MEIOC: variants seen among roughly 807,000 people sequenced by gnomAD.
MEIOC encodes the protein meiosis-specific coiled-coil domain-containing protein MEIOC.
In MEIOC, 9 loss-of-function variants were observed where a neutral mutation model predicts 85.3. The ratio of observed to expected loss-of-function variants is 0.11; its 90% CI spans 0.06 to 0.18. The LOEUF is 0.18. Among genes scored for constraint, MEIOC ranks in the 10% least tolerant of loss-of-function variants. MEIOC has a pLI of 1.00. For synonymous variants in MEIOC, 365 were observed against 393.7 expected (o/e 0.93, Z 0.86); for missense variants, 898 against 1,129.4 (o/e 0.80, Z 2.94).
rs78548905 is a variant in MEIOC, at chr17:44,671,626, G to A, written c.2458-1740G>A. On this transcript the variant is annotated intron_variant, in intron 6 of 7. Transcript: ENST00000409122. ...CAGAGGATTTTAAAATTACATTTTC[G>A]CCGGGCGTGGTGGTTCATGCCTGTA... Among the ~76,000 whole-genome samples, 241 of 151,452 alleles carry A rather than the reference G, an allele frequency of 1.6e-3. 1 individual carries two copies. Among genetic ancestry groups the A allele is most frequent in the African/African-American group, 5.7e-3 (234 of 41,130 alleles).
chr17:44,669,332 C>T lies in MEIOC; in HGVS notation c.2323-51C>T, dbSNP rs1167400871. 1.9e-5 allele frequency: 27 copies of T among 1,401,096 alleles called. No homozygotes were observed. The African/African-American group carries it at 3.0e-4, about 16-fold the overall frequency. The allele number at this position is 1,401,096 out of a possible 1,614,324, so 86.8% of individuals were successfully genotyped here. On this transcript the variant is annotated intron_variant, in intron 5 of 7. Coordinates refer to ENST00000409122, the MANE Select transcript of MEIOC (RefSeq NM_001145080.3). Reference sequence around the variant, plus strand: ...GCTTACGAAAACTATTATTCATGGTCGAATCATATTTAGAAAATTCTACAT... The same window carrying T: ...GCTTACGAAAACTATTATTCATGGTTGAATCATATTTAGAAAATTCTACAT...
Position 44,666,650 on chromosome 17 carries a change from T to G in MEIOC, c.739T>G (p.Cys247Gly). ...MYPSRSDHSN[C>G]HNIQTNDTAK... ...CCCCTCACGAAGTGATCATTCTAAC[T>G]GTCACAATATTCAGACAAATGATAC... The change falls in exon 5 of 8, where the codon TGT becomes GGT. Residue 247 changes from cysteine to glycine, a missense_variant. By Grantham distance (159) the Cys-to-Gly change is radical (BLOSUM62 -3). Around this residue, in one of 2 missense-constraint regions of MEIOC, gnomAD observed 734 missense variants for 860.1 expected, o/e 0.85. Transcript: ENST00000409122. 1 of 1,612,016 alleles carries G rather than the reference T, an allele frequency of 6.2e-7. No individual in the cohort carries two copies. Among genetic ancestry groups the G allele is most frequent in the Non-Finnish European group, 8.5e-7 (1 of 1,178,900 alleles).
At chr17:44,670,284 A>G (rs1466435105) in intron 6 of MEIOC, 2 of 151,046 alleles carry the variant, frequency 1.3e-5, no homozygotes, top group African/African-American at 2.4e-5. Flanking sequence ...AAAAAGAAAA[A>G]AAAAGAAAAA....
intron 2 of MEIOC, 141 bp from the exon 3 acceptor site, chr17:44,662,176 C>T: frequency 1.5e-6 from 1 of 687,200 alleles, no homozygotes; most frequent in African/African-American, 1.8e-5. Context: ...TGGTATAAAG[C>T]AAGCTTAAGT....
In MEIOC at chr17:44,674,052, A is replaced by C. The variant is rs997421060; in HGVS notation, c.2715A>C (p.Ala905=). 106 of 1,551,632 alleles carry C rather than the reference A, an allele frequency of 6.8e-5. No individual in the cohort carries two copies. Among genetic ancestry groups the C allele is most frequent in the Non-Finnish European group, 9.2e-5 (105 of 1,147,008 alleles). The change falls in exon 8 of 8, where the codon GCA becomes GCC. Residue 905 remains alanine, a synonymous_variant. Coordinates refer to ENST00000409122, the MANE Select transcript of MEIOC (RefSeq NM_001145080.3). ...TRKTRTALWC[A]LQMTLPKTAS... ...AAACACGCACTGCCCTGTGGTGTGC[A>C]CTGCAGATGACCTTGCCAAAAACAG...
At chr17:44,675,852 A>G (rs1462191296), downstream of MEIOC, 1 of 701,868 alleles carries the variant, frequency 1.4e-6, no homozygotes, top group Admixed American at 6.3e-5. Context: ...AGAGTCACTC[A>G]TATCAGAAAG....
rs574127158 is a variant in MEIOC, at chr17:44,659,189, A to G, written c.204+1928A>G. 3.3e-5 allele frequency among the ~76,000 whole-genome samples: 5 copies of G among 152,316 alleles called. No individual in the cohort carries two copies. In the South Asian group the frequency reaches 6.2e-4, roughly 19 times the overall value. On this transcript the variant is annotated intron_variant, in intron 2 of 7. Coordinates refer to ENST00000409122, the MANE Select transcript of MEIOC (RefSeq NM_001145080.3). ...CTTTGAATTATAACAATATCTAGAAATAAATTATTTTATTTAATCCACACT... is the reference window on the plus strand; with the variant it reads ...CTTTGAATTATAACAATATCTAGAAGTAAATTATTTTATTTAATCCACACT...
intron 3 of MEIOC, 84 bp downstream of exon 3, chr17:44,662,555 T>C (rs1971855776): frequency 2.1e-6 from 2 of 938,980 alleles, no homozygotes; most frequent in Non-Finnish European, 1.5e-6. Flanking sequence ...CTCTGTTCCC[T>C]ACATTATCAT....
chr17:44,658,739 G>C (rs1258537664), intron 2 of MEIOC, among the ~76,000 whole-genome samples: 1 of 148,484 alleles, frequency 6.7e-6, no homozygotes, highest in African/African-American at 2.5e-5. Context: ...GTTGCAGTGA[G>C]CCAAGATCAT....
At chr17:44,670,166 G>C (rs1160786252) in intron 6 of MEIOC, 1 of 151,350 alleles carries the variant, frequency 6.6e-6, no homozygotes, top group Admixed American at 6.6e-5. Flanking sequence ...AGGAGGCTGA[G>C]GTGGGAAGAT....
chr17:44,672,476 A>T (rs897345621), intron 6 of MEIOC, among the ~76,000 whole-genome samples: 2 of 152,188 alleles, frequency 1.3e-5, no homozygotes, highest in Non-Finnish European at 2.9e-5. Flanking sequence ...TACGAGTTTG[A>T]GGTTAGAGAA....
At chr17:44,672,616 A>T (rs1220736622) in intron 6 of MEIOC, among the ~76,000 whole-genome samples, 2 of 152,200 alleles carry the variant, frequency 1.3e-5, no homozygotes, top group Non-Finnish European at 2.9e-5. Context: ...TATTTACTTG[A>T]TCTTCAAATT....
chr17:44,657,042 G>T lies in MEIOC; in HGVS notation c.70-85G>T, dbSNP rs1971768798. 5 of 1,443,420 alleles carry T rather than the reference G, an allele frequency of 3.5e-6. No individual in the cohort carries two copies. The Admixed American group carries it at 8.4e-5, about 24-fold the overall frequency. The allele number at this position is 1,443,420 out of a possible 1,614,324, so 89.4% of individuals were successfully genotyped here. On this transcript the variant is annotated intron_variant, in intron 1 of 7. Transcript: ENST00000409122. ...GGGTTCGGAATTGAGCCGAACAGCC[G>T]AGGTAGAACAGGTGTCGGGCCGTTT... is the stretch of plus-strand genomic sequence containing the variant.
intron 6 of MEIOC, 131 bp downstream of exon 6, chr17:44,669,648 T>G (rs1030197448): frequency 1.2e-5 from 10 of 857,642 alleles, no homozygotes; most frequent in Non-Finnish European, 1.8e-5. Flanking sequence ...TCACCTGAAG[T>G]CAGGAGTTCG....
At chr17:44,676,189 C>T (rs1972072479), downstream of MEIOC, 1 of 152,170 alleles carries the variant, frequency 6.6e-6, no homozygotes, top group Non-Finnish European at 1.5e-5. Context: ...CTTTCAGTGG[C>T]ATATCCTCTA....
intron 2 of MEIOC, among the ~76,000 whole-genome samples, chr17:44,661,278 ACT>A (rs1396846586): frequency 8.8e-6 from 1 of 113,990 alleles, no homozygotes; most frequent in Non-Finnish European, 1.7e-5. Context: ...ACAGAGCCAG[ACT>A]CTTGTCTCAA....
chr17:44,661,288 CAAAAAAAAAAAAAA>C (rs1186351387), intron 2 of MEIOC, among the ~76,000 whole-genome samples: 1 of 54,220 alleles, frequency 1.8e-5, no homozygotes, highest in Non-Finnish European at 3.2e-5. Context: ...ACTCTTGTCT[CAAAAAAAAAAAAAA>C]AAAAAAAAAA....
chr17:44,673,000 T>C (rs539247109), intron 6 of MEIOC: 46 of 171,714 alleles, frequency 2.7e-4, no homozygotes, highest in Non-Finnish European at 5.3e-4. Flanking sequence ...AGCTCAAAAC[T>C]TTTTCCATTA....
chr17:44,657,083 C>G, intron 1 of MEIOC, 44 bp from the exon 2 acceptor site: 1 of 1,526,770 alleles, frequency 6.5e-7, no homozygotes, highest in Non-Finnish European at 8.8e-7. Context: ...CCGGCGTCAC[C>G]CTCGTGACCA....
Sources: allele counts gnomAD v4.1 joint callset (sites outside exome capture counted in the v4.1 genomes callset), GRCh38; gene constraint gnomAD v4.1.1; regional missense constraint gnomAD v4.1.1; transcripts MANE v1.5; gene names NCBI Gene and HGNC (gene_info 2026-07-23, HGNC 2026-07-21).